Variants in PSMA4 observed in about 807,000 individuals in gnomAD.
The protein encoded by PSMA4 is proteasome 20S subunit alpha 4.
PSMA4 carries 8 observed loss-of-function variants against 37.2 expected under a neutral mutation model. The observed-to-expected ratio is 0.22, with a 90% CI of 0.13 to 0.39. The LOEUF (loss-of-function observed/expected upper bound fraction) is 0.39, where lower values mean the gene tolerates loss of function less well. Ranked by LOEUF, PSMA4 falls within the 10% of genes least tolerant of loss-of-function variation. PSMA4 has a pLI of 1.00. For missense variants in PSMA4, 169 were observed against 305.1 expected, an observed-to-expected ratio of 0.55 and a Z score of 3.32; for synonymous variants, 93 against 98.8, an observed-to-expected ratio of 0.94 and a Z score of 0.35.
Position 78,544,916 on chromosome 15 carries a change from C to T in PSMA4, c.335C>T (p.Thr112Ile). 1 of 1,612,036 alleles carries T rather than the reference C, an allele frequency of 6.2e-7. No homozygotes were observed. ...CCAATACCTTGTGAGCAGTTGGTTACAGCGCTGTGTGATATCAAACAAGCT... is the reference window on the plus strand; with the variant it reads ...CCAATACCTTGTGAGCAGTTGGTTATAGCGCTGTGTGATATCAAACAAGCT... ...QEPIPCEQLVTALCDIKQAYT... is the reference protein window; with the variant it reads ...QEPIPCEQLVIALCDIKQAYT... Residue 112 changes from threonine to isoleucine, a missense_variant, in exon 6 of 9, where the codon ACA (threonine) becomes ATA (isoleucine). By Grantham distance (89) the Thr-to-Ile change is moderately conservative (BLOSUM62 -1). Around this residue, in one of 2 missense-constraint regions of PSMA4, gnomAD observed 79 missense variants for 212.4 expected, o/e 0.37. Transcript: ENST00000044462.
Position 78,549,204 on chromosome 15 carries a change from A to G in PSMA4, c.*260A>G, listed in dbSNP as rs530719394. On this transcript the variant is annotated 3_prime_UTR_variant, in exon 9 of 9. Coordinates refer to ENST00000044462, the MANE Select transcript of PSMA4 (RefSeq NM_002789.6). ...TTGGAAAATGGAAATGAAGGAATAA[A>G]TTCTCTGTAGCAGTAATTGTTAAAT... 5 of 326,130 alleles carry G rather than the reference A, an allele frequency of 1.5e-5. No homozygotes were observed. In the South Asian group the frequency reaches 4.7e-4, roughly 31 times the overall value. 20.2% of individuals were successfully genotyped at this position (326,130 alleles called of 1,614,324 possible). A position where few individuals can be genotyped will look rare whatever the true frequency, so the allele number is the denominator to read the frequency against.
At position 78,546,851 on chromosome 15, in the gene PSMA4, C is replaced by T. The variant is rs553994279; in HGVS notation, c.631+153C>T. 3.3e-5 allele frequency among the ~76,000 whole-genome samples: 5 copies of T among 151,788 alleles called. No individual in the cohort carries two copies. In the South Asian group the frequency reaches 6.2e-4, roughly 19 times the overall value. ...CGCAATCTCAGCTCACTGCAACCTC[C>T]GCCTCCTTGGTTCAAGTGATTCTCC... On this transcript the variant is annotated intron_variant, in intron 8 of 8. Transcript: ENST00000044462.
chr15:78,541,844 C>G (rs1277919003), intron 1 of PSMA4, 61 bp from the exon 2 acceptor site: 5 of 1,362,896 alleles, frequency 3.7e-6, no homozygotes, highest in Non-Finnish European at 1.0e-6. Flanking sequence ...TTTGTAAAGT[C>G]AGCAAATGCT....
At chr15:78,545,147 A>T (rs1254370943) in intron 6 of PSMA4, among the ~76,000 whole-genome samples, 190 bp downstream of exon 6, 1 of 152,204 alleles carries the variant, frequency 6.6e-6, no homozygotes, top group Non-Finnish European at 1.5e-5. Context: ...TAATGATCAG[A>T]TCAGGGTAAA....
intron 2 of PSMA4, 121 bp from the exon 3 acceptor site, chr15:78,542,056 A>G: frequency 1.4e-6 from 2 of 1,448,414 alleles, no homozygotes; most frequent in Admixed American, 2.0e-5. Flanking sequence ...TTTTCTTGTC[A>G]GTTTCCTCTC....
chr15:78,546,785 G>A (rs1314163427), intron 8 of PSMA4, 87 bp downstream of exon 8: 6 of 1,002,234 alleles, frequency 6.0e-6, no homozygotes, highest in Non-Finnish European at 8.2e-6. Context: ...TTTTTTTTTT[G>A]AGATGGAGTC....
In PSMA4 at chr15:78,552,170, A is replaced by G. The variant is rs1394245328; in HGVS notation, c.*3226A>G. On this transcript the variant is annotated 3_prime_UTR_variant, in exon 9 of 9. Transcript: ENST00000044462. ...CAGAGTGTTGCCTGATGCATCCCAAATGCTGCCTTAGCAATACACATCTGA... is the reference window on the plus strand; with the variant it reads ...CAGAGTGTTGCCTGATGCATCCCAAGTGCTGCCTTAGCAATACACATCTGA... The G allele has an allele frequency of 6.6e-6, 1 of 152,208 alleles. No homozygotes were observed. The highest frequency in any genetic ancestry group is 1.5e-5 in the Non-Finnish European group (1 of 68,050). 9.4% of individuals were successfully genotyped at this position (152,208 alleles called of 1,614,324 possible). A position where few individuals can be genotyped will look rare whatever the true frequency, so the allele number is the denominator to read the frequency against.
chr15:78,544,373 T>C, intron 5 of PSMA4, 106 bp downstream of exon 5: 1 of 683,422 alleles, frequency 1.5e-6, no homozygotes, highest in Non-Finnish European at 2.4e-6. Flanking sequence ...TGGAGTGCAG[T>C]GGCACGATCT....
intron 8 of PSMA4, among the ~76,000 whole-genome samples, chr15:78,547,731 G>A (rs1414167762): frequency 1.3e-5 from 2 of 152,034 alleles, no homozygotes; most frequent in Admixed American, 1.3e-4. Context: ...CAGCTACTTG[G>A]GAGGCTGAGG....
chr15:78,542,677 A>C, intron 4 of PSMA4, 32 bp downstream of exon 4: 2 of 1,567,552 alleles, frequency 1.3e-6, no homozygotes, highest in Non-Finnish European at 1.7e-6. Flanking sequence ...AGTTTAAAAA[A>C]AATCTCACTT....
chr15:78,548,834 A>G lies in PSMA4; in HGVS notation c.676A>G (p.Arg226Gly), dbSNP rs1400757326. 6.2e-7 allele frequency: 1 copy of G among 1,612,894 alleles called. No homozygotes were observed. The highest frequency in any genetic ancestry group is 1.3e-5 in the African/African-American group (1 of 75,024). ...AAGAGAGAATGGAAAGACAGTAATC[A>G]GAGTTCTCAAACAAAAAGAAGTGGA... is the stretch of plus-strand genomic sequence containing the variant. ...LTRENGKTVI[R>G]VLKQKEVEQL... The change falls in exon 9 of 9, where the codon AGA becomes GGA. Residue 226 changes from arginine to glycine, a missense_variant. By Grantham distance (125) the Arg-to-Gly change is moderately radical. Transcript: ENST00000044462.
At chr15:78,547,950 C>T (rs1018111215) in intron 8 of PSMA4, among the ~76,000 whole-genome samples, 2 of 151,602 alleles carry the variant, frequency 1.3e-5, no homozygotes, top group Non-Finnish European at 2.9e-5. Context: ...CATTTACGGC[C>T]GGGCATATTG....
At chr15:78,545,824 GC>G in intron 7 of PSMA4, 60 bp downstream of exon 7, 1 of 1,571,488 alleles carries the variant, frequency 6.4e-7, no homozygotes, top group Non-Finnish European at 8.7e-7. Flanking sequence ...CCATAATTTT[GC>G]CATGGTGATG....
intron 7 of PSMA4, among the ~76,000 whole-genome samples, chr15:78,546,051 C>T (rs970862683): frequency 6.6e-5 from 10 of 151,992 alleles, no homozygotes; most frequent in African/African-American, 2.4e-4. Flanking sequence ...ATGACAGACC[C>T]CTTGGGAGAC....
rs1217100430 is a variant in PSMA4, at chr15:78,540,512, A to G, written c.-51A>G. 1 of 152,382 alleles carries G rather than the reference A, an allele frequency of 6.6e-6. No individual in the cohort carries two copies. Among genetic ancestry groups the G allele is most frequent in the Non-Finnish European group, 1.5e-5 (1 of 68,182 alleles). 9.4% of individuals were successfully genotyped at this position (152,382 alleles called of 1,614,324 possible). ...CCGTGGAGTTAAGGGCTCCGTGGACATCTCAGGTCTTCAGGGTCTTCCATC... is the reference window on the plus strand; with the variant it reads ...CCGTGGAGTTAAGGGCTCCGTGGACGTCTCAGGTCTTCAGGGTCTTCCATC... On this transcript the variant is annotated 5_prime_UTR_variant, in exon 1 of 9. Coordinates refer to ENST00000044462, the MANE Select transcript of PSMA4 (RefSeq NM_002789.6).
In PSMA4 at chr15:78,545,644, C is replaced by G; in HGVS notation, c.387C>G (p.Pro129=). Reference sequence around the variant, plus strand: ...TTTTCTTTGTTAAAGGAAAACGTCCCTTTGGTGTTTCATTGCTGTACATTG... The same window carrying G: ...TTTTCTTTGTTAAAGGAAAACGTCCGTTTGGTGTTTCATTGCTGTACATTG... ...QAYTQFGGKR[P]FGVSLLYIGW... is the part of the protein sequence containing the mutation. The change falls in exon 7 of 9, where the codon CCC becomes CCG. Residue 129 remains proline (P), a synonymous_variant. Coordinates refer to ENST00000044462, the MANE Select transcript of PSMA4 (RefSeq NM_002789.6). 6.2e-7 allele frequency: 1 copy of G among 1,613,844 alleles called. No individual in the cohort carries two copies.
rs2052645065 is a variant in PSMA4, at chr15:78,551,626, C to T, written c.*2682C>T. ...TTGTCTCTCCCCACTGGAATACAGA[C>T]TTCCAGAGCAGTACTTTGTTTTCAT... On this transcript the variant is annotated 3_prime_UTR_variant, in exon 9 of 9. Transcript: ENST00000044462. The T allele has an allele frequency of 6.6e-6, 1 of 152,102 alleles. No homozygotes were observed. Among genetic ancestry groups the T allele is most frequent in the South Asian group, 2.1e-4 (1 of 4,812 alleles). 9.4% of individuals were successfully genotyped at this position (152,102 alleles called of 1,614,324 possible).
At chr15:78,542,004 T>A in intron 2 of PSMA4, 74 bp downstream of exon 2, 1 of 1,532,940 alleles carries the variant, frequency 6.5e-7, no homozygotes, top group African/African-American at 1.4e-5. Context: ...CAGACTTGAG[T>A]GGGAAAATTG....
intron 4 of PSMA4, among the ~76,000 whole-genome samples, chr15:78,543,596 T>A (rs2052496417): frequency 7.0e-6 from 1 of 142,702 alleles, no homozygotes; most frequent in South Asian, 2.2e-4. Flanking sequence ...TGAGACAGAT[T>A]CTTGCTCTGT....
Sources: gnomAD v4.1 joint callset for allele counts (sites outside exome capture counted in the v4.1 genomes callset) on GRCh38, gnomAD v4.1.1 for gene constraint, gnomAD v4.1.1 regional missense constraint, MANE v1.5 for transcripts, NCBI Gene and HGNC (gene_info 2026-07-23, HGNC 2026-07-21) for gene names.